The following SPDYE4 variants were observed in gnomAD, a reference collection of about 807,000 sequenced individuals.
SPDYE4 encodes speedy/RINGO cell cycle regulator family member E4, also known as speedy protein E4.
In SPDYE4, 30 loss-of-function variants were observed where a neutral mutation model predicts 37.5. The observed-to-expected ratio is 0.80, with a 90% confidence interval of 0.60 to 1.09. The LOEUF is 1.09. Among genes scored for constraint, SPDYE4 ranks in the 50% least tolerant of loss-of-function variants. The pLI is 0.00. For synonymous variants in SPDYE4, 131 were observed against 120.3 expected (o/e 1.09, Z -0.58); for missense variants, 300 against 307.9 (o/e 0.97, Z 0.19).
chr17:8,748,244 C>A (rs2086703586), downstream of SPDYE4, among the ~76,000 whole-genome samples: 1 of 152,190 alleles, frequency 6.6e-6, no homozygotes, highest in Non-Finnish European at 1.5e-5. Context: ...AAGGGTGGTA[C>A]CCTCATGATA....
Position 8,751,442 on chromosome 17 carries a change from C to T in SPDYE4, c.*840G>A, listed in dbSNP as rs1422966176. On this transcript the variant is annotated 3_prime_UTR_variant, in exon 7 of 7. Transcript: ENST00000689094. ...GCATGTTAAAAATCACAACTGAATTCTCACAATTCAGTAACAAACAGTAAA... is the reference window on the plus strand; with the variant it reads ...GCATGTTAAAAATCACAACTGAATTTTCACAATTCAGTAACAAACAGTAAA... Among the ~76,000 whole-genome samples the T allele has an allele frequency of 2.0e-5, 3 of 152,170 alleles. No homozygotes were observed. Among genetic ancestry groups the T allele is most frequent in the Non-Finnish European group, 2.9e-5 (2 of 68,036 alleles).
intron 4 of SPDYE4, 46 bp from the exon 5 acceptor site, chr17:8,753,535 G>A: frequency 6.2e-7 from 1 of 1,603,154 alleles, no homozygotes; most frequent in Non-Finnish European, 8.5e-7. Flanking sequence ...CACCAGGAGG[G>A]ACCCCTGCCT....
At chr17:8,754,927 G>T (rs1020809860) in intron 4 of SPDYE4, among the ~76,000 whole-genome samples, 5 of 152,216 alleles carry the variant, frequency 3.3e-5, no homozygotes, top group Non-Finnish European at 5.9e-5. Flanking sequence ...GGTGGTAGAA[G>T]GACTGCAGAG....
chr17:8,756,432 A>G lies in SPDYE4; in HGVS notation c.345T>C (p.Asp115=). 1 of 1,614,044 alleles carries G rather than the reference A, an allele frequency of 6.2e-7. No homozygotes were observed. Among genetic ancestry groups the G allele is most frequent in the Non-Finnish European group, 8.5e-7 (1 of 1,179,916 alleles). ...AGGCCAGGAATTTTTGAACGACAGG[A>G]TCCCCTGTGAAAAGAGAGCCTGTGT... ...HHEAFNRLLG[D]PVVQKFLAWD... is the part of the protein sequence containing the mutation. Residue 115 remains aspartate, a synonymous_variant, in exon 3 of 7, where the codon GAT becomes GAC. Coordinates refer to ENST00000689094, the MANE Select transcript of SPDYE4 (RefSeq NM_001394956.1).
downstream of SPDYE4, among the ~76,000 whole-genome samples, chr17:8,748,233 T>A (rs191875860): frequency 3.4e-4 from 52 of 152,380 alleles, no homozygotes; most frequent in Middle Eastern, 3.4e-3. Flanking sequence ...TATTAGCTCC[T>A]AAGGGTGGTA....
chr17:8,757,355 C>T lies in SPDYE4; in HGVS notation c.247G>A (p.Val83Met), dbSNP rs376035807. The T allele has an allele frequency of 3.1e-6, 5 of 1,599,950 alleles. No homozygotes were observed. In the African/African-American group the frequency reaches 4.0e-5, roughly 13 times the overall value. Residue 83 changes from valine to methionine, a missense_variant, in exon 2 of 7, where the codon GTG (valine) becomes ATG (methionine). Val to Met is a conservative substitution (Grantham distance 21). Coordinates refer to ENST00000689094, the MANE Select transcript of SPDYE4 (RefSeq NM_001394956.1). ...ATCTTGAGCCCACACAGCGTCTCCA[C>T]CACCCAGGTGTCCTCGGGCTCAGGG... ...RAPEPEDTWV[V>M]ETLCGLKMKL...
At chr17:8,749,968 A>G (rs894038367), downstream of SPDYE4, among the ~76,000 whole-genome samples, 3 of 152,172 alleles carry the variant, frequency 2.0e-5, no homozygotes, top group African/African-American at 7.2e-5. Flanking sequence ...ACAAACATCA[A>G]CACTTTGCAA....
chr17:8,757,573 C>T lies in SPDYE4; in HGVS notation c.110-81G>A. The T allele has an allele frequency of 1.5e-6, 2 of 1,374,520 alleles. 1 individual carries two copies. 85.1% of individuals were successfully genotyped at this position (1,374,520 alleles called of 1,614,324 possible). A position where few individuals can be genotyped will look rare whatever the true frequency, so the allele number is the denominator to read the frequency against. ...GCCCCGACCCAGGAACCTCAAACTACTCTTCCATCCTCCCAAGCCTCGCAG... is the reference window on the plus strand; with the variant it reads ...GCCCCGACCCAGGAACCTCAAACTATTCTTCCATCCTCCCAAGCCTCGCAG... On this transcript the variant is annotated intron_variant, in intron 1 of 6. Coordinates refer to ENST00000689094, the MANE Select transcript of SPDYE4 (RefSeq NM_001394956.1).
downstream of SPDYE4, among the ~76,000 whole-genome samples, chr17:8,749,717 G>T (rs1044074121): frequency 2.6e-5 from 4 of 152,216 alleles, no homozygotes; most frequent in East Asian, 7.7e-4. Context: ...AATGTTTGGA[G>T]TGTTCAGGGT....
chr17:8,757,271 T>C lies in SPDYE4; in HGVS notation c.331A>G (p.Arg111Gly). ...VLPEHHEAFN[R>G]LLGDPVVQKF... is the part of the protein sequence containing the mutation. ...TGGGGTATCCTCCTACCAAGGAGCC[T>C]GTTGAAGGCCTCGTGGTGCTCAGGG... is the stretch of plus-strand genomic sequence containing the variant. Residue 111 changes from arginine (R) to glycine (G), a missense_variant, in exon 2 of 7, where the codon AGG becomes GGG. Arg to Gly is a moderately radical substitution (Grantham distance 125). Coordinates refer to ENST00000689094, the MANE Select transcript of SPDYE4 (RefSeq NM_001394956.1). 1.2e-6 allele frequency: 2 copies of C among 1,604,584 alleles called. No homozygotes were observed. The highest frequency in any genetic ancestry group is 1.7e-6 in the Non-Finnish European group (2 of 1,175,294).
At chr17:8,757,521 A>G (rs1482368852) in intron 1 of SPDYE4, 29 bp from the exon 2 acceptor site, 2 of 1,602,908 alleles carry the variant, frequency 1.2e-6, no homozygotes, top group South Asian at 2.2e-5. Context: ...CCATGGTGTC[A>G]TGTTTCTGCC....
chr17:8,757,798 T>TG (rs1476329011), intron 1 of SPDYE4, among the ~76,000 whole-genome samples: 1 of 151,468 alleles, frequency 6.6e-6, no homozygotes, highest in African/African-American at 2.4e-5. Flanking sequence ...TTTTTTTTTT[T>TG]TGAGATGGAG....
chr17:8,749,464 C>T (rs1597349981), downstream of SPDYE4, among the ~76,000 whole-genome samples: 1 of 152,116 alleles, frequency 6.6e-6, no homozygotes, highest in African/African-American at 2.4e-5. Flanking sequence ...GACAGGGTTT[C>T]ACCATGTCAG....
chr17:8,753,067 C>A, intron 6 of SPDYE4, 27 bp downstream of exon 6: 1 of 1,550,386 alleles, frequency 6.5e-7, no homozygotes, highest in South Asian at 1.1e-5. Context: ...GAATATTCTG[C>A]CTTTACCCTG....
chr17:8,753,310 G>A lies in SPDYE4; in HGVS notation c.654+11C>T. On this transcript the variant is annotated intron_variant, in intron 5 of 6. Transcript: ENST00000689094. ...CTCCCCACCCCCACCTCCTCATATGGCCCCACCTACCTCCTCCATCTCCTC... is the reference window on the plus strand; with the variant it reads ...CTCCCCACCCCCACCTCCTCATATGACCCCACCTACCTCCTCCATCTCCTC... 1 of 1,396,586 alleles carries A rather than the reference G, an allele frequency of 7.2e-7. No homozygotes were observed. Among genetic ancestry groups the A allele is most frequent in the Non-Finnish European group, 9.9e-7 (1 of 1,014,282 alleles). The allele number at this position is 1,396,586 out of a possible 1,614,324, so 86.5% of individuals were successfully genotyped here. A position where few individuals can be genotyped will look rare whatever the true frequency, so the allele number is the denominator to read the frequency against.
At chr17:8,757,531 C>A (rs1424233741) in intron 1 of SPDYE4, 39 bp from the exon 2 acceptor site, 28 of 1,596,686 alleles carry the variant, frequency 1.8e-5, no homozygotes, top group Non-Finnish European at 2.4e-5. Context: ...ATGTTTCTGC[C>A]ATTGATCACC....
At chr17:8,754,967 C>T (rs1384064885) in intron 4 of SPDYE4, among the ~76,000 whole-genome samples, 1 of 152,126 alleles carries the variant, frequency 6.6e-6, no homozygotes, top group Non-Finnish European at 1.5e-5. Context: ...GGACCCGGGC[C>T]TCCGTTTAGA....
At chr17:8,755,386 A>G (rs1744578482) in intron 4 of SPDYE4, 134 bp downstream of exon 4, 1 of 1,132,780 alleles carries the variant, frequency 8.8e-7, no homozygotes, top group South Asian at 1.5e-5. Context: ...ACACCATAGT[A>G]TAATCTTATC....
intron 3 of SPDYE4, 91 bp downstream of exon 3, chr17:8,756,285 GGA>G: frequency 8.4e-7 from 1 of 1,184,714 alleles, no homozygotes; most frequent in Non-Finnish European, 1.2e-6. Flanking sequence ...GATGGTAGAG[GGA>G]GAGAGGAGAG....
Sources: gnomAD v4.1 joint callset for allele counts (sites outside exome capture counted in the v4.1 genomes callset) on GRCh38, gnomAD v4.1.1 for gene constraint, MANE v1.5 for transcripts, NCBI Gene and HGNC (gene_info 2026-07-23, HGNC 2026-07-21) for gene names.